RGS6: variants seen among roughly 807,000 people sequenced by gnomAD.
RGS6 encodes regulator of G-protein signaling 6.
Under a neutral mutation model 78.5 loss-of-function variants are expected in RGS6, and 30 were observed. That is an observed-to-expected ratio of 0.38 (90% CI 0.29 to 0.52). The LOEUF (loss-of-function observed/expected upper bound fraction) is 0.52, where lower values mean the gene tolerates loss of function less well. Among genes scored for constraint, RGS6 ranks in the 20% least tolerant of loss-of-function variants. The pLI, the probability that RGS6 is intolerant of heterozygous loss-of-function variation, is 0.85. For synonymous variants in RGS6, 206 were observed against 206.0 expected, an observed-to-expected ratio of 1.00 and a Z score of 0.00; for missense variants, 495 against 609.7, an observed-to-expected ratio of 0.81 and a Z score of 1.98.
chr14:72,534,039 T>G (rs2097214294), intron 15 of RGS6, among the ~76,000 whole-genome samples: 1 of 152,248 alleles, frequency 6.6e-6, no homozygotes, highest in Non-Finnish European at 1.5e-5. Flanking sequence ...CACCATCACA[T>G]GCTACAGAGA....
At chr14:71,949,295 A>G (rs886727237) in intron 1 of RGS6, among the ~76,000 whole-genome samples, 1 of 152,000 alleles carries the variant, frequency 6.6e-6, no homozygotes, top group African/African-American at 2.4e-5. Flanking sequence ...TCAGTTCATG[A>G]GTGTTTCAGT....
At chr14:72,139,563 G>T (rs1023561841) in intron 2 of RGS6, among the ~76,000 whole-genome samples, 1 of 151,520 alleles carries the variant, frequency 6.6e-6, no homozygotes, top group Non-Finnish European at 1.5e-5. Flanking sequence ...TAAGCAGAAA[G>T]CAAAGAAGAA....
At chr14:72,536,066 A>G (rs1471438875) in intron 15 of RGS6, 120 bp from the exon 16 acceptor site, 8 of 749,626 alleles carry the variant, frequency 1.1e-5, no homozygotes, top group Non-Finnish European at 1.9e-5. Context: ...TTCTAGGTAC[A>G]TGCAAACATA....
intron 2 of RGS6, among the ~76,000 whole-genome samples, chr14:72,111,584 A>C (rs2095763544): frequency 6.6e-6 from 1 of 152,232 alleles, no homozygotes; most frequent in Non-Finnish European, 1.5e-5. Flanking sequence ...ACATGTTAAA[A>C]GGCCTAGTAA....
intron 17 of RGS6, among the ~76,000 whole-genome samples, chr14:72,544,821 A>G (rs1021781676): frequency 1.3e-5 from 2 of 152,170 alleles, no homozygotes; most frequent in Non-Finnish European, 2.9e-5. Context: ...AGAAGTCAAC[A>G]GCTCACTCAT....
At chr14:72,509,505 C>T (rs928681938) in intron 13 of RGS6, among the ~76,000 whole-genome samples, 2 of 152,160 alleles carry the variant, frequency 1.3e-5, no homozygotes, top group Non-Finnish European at 1.5e-5. Context: ...AAATGGGAAT[C>T]ATACTAGTAC....
intron 3 of RGS6, among the ~76,000 whole-genome samples, chr14:72,383,151 ATATT>A (rs1356304184): frequency 6.9e-6 from 1 of 144,636 alleles, no homozygotes; most frequent in Non-Finnish European, 1.5e-5. Context: ...CATATATACT[ATATT>A]TACAGCCATG....
At chr14:72,275,936 ACTT>A (rs1196232480) in intron 2 of RGS6, among the ~76,000 whole-genome samples, 1 of 152,126 alleles carries the variant, frequency 6.6e-6, no homozygotes, top group Non-Finnish European at 1.5e-5. Context: ...CAAGGGGAAA[ACTT>A]CTCTCCAACG....
At chr14:71,882,322 G>A in the RGS6 span, among the ~76,000 whole-genome samples, 10 of 152,158 alleles carry the variant, frequency 6.6e-5, no homozygotes, top group African/African-American at 2.4e-4. Flanking sequence ...ATGTGTATAT[G>A]TGTATATCGC....
intron 3 of RGS6, among the ~76,000 whole-genome samples, chr14:72,415,175 T>C (rs908021271): frequency 2.6e-5 from 4 of 152,256 alleles, no homozygotes; most frequent in African/African-American, 9.6e-5. Context: ...CCTTGAGCTG[T>C]GGTGGGTTCC....
intron 15 of RGS6, among the ~76,000 whole-genome samples, chr14:72,520,650 A>G (rs1022368254): frequency 2.6e-5 from 4 of 152,238 alleles, no homozygotes; most frequent in Non-Finnish European, 4.4e-5. Context: ...AAGCAGGATA[A>G]ATATTTGATT....
chr14:72,153,367 A>T (rs2096722023), intron 2 of RGS6, among the ~76,000 whole-genome samples: 1 of 152,192 alleles, frequency 6.6e-6, no homozygotes, highest in African/African-American at 2.4e-5. Flanking sequence ...CACAAAGCAG[A>T]GTGTGAAGAG....
At chr14:72,329,532 C>T (rs1212466765) in intron 2 of RGS6, among the ~76,000 whole-genome samples, 2 of 152,270 alleles carry the variant, frequency 1.3e-5, no homozygotes, top group African/African-American at 4.8e-5. Context: ...TAGGCTTAAA[C>T]TGGCATTGTC....
intron 3 of RGS6, among the ~76,000 whole-genome samples, chr14:72,401,083 T>G (rs997936236): frequency 1.3e-5 from 2 of 151,946 alleles, no homozygotes; most frequent in Non-Finnish European, 2.9e-5. Flanking sequence ...AATTCTTCAT[T>G]TTTTTTTAGG....
chr14:72,159,195 G>T (rs2096818516), intron 2 of RGS6, among the ~76,000 whole-genome samples: 1 of 152,322 alleles, frequency 6.6e-6, no homozygotes, highest in South Asian at 2.1e-4. Context: ...TACAGATGAA[G>T]AGACTGAGGC....
At chr14:72,141,902 A>AC (rs2096544986) in intron 2 of RGS6, among the ~76,000 whole-genome samples, 1 of 151,744 alleles carries the variant, frequency 6.6e-6, no homozygotes, top group Non-Finnish European at 1.5e-5. Flanking sequence ...TAAAAAAAAA[A>AC]AAACAAAACC....
At position 72,476,773 on chromosome 14, in the gene RGS6, C is replaced by T. The variant is rs2096251308; in HGVS notation, c.725C>T (p.Ala242Val). ...SVYGVTEESQ[A>V]QSPVHVLSQP... The stretch of plus-strand genomic sequence containing the variant: ...TATGGCGTGACTGAAGAGTCCCAGG[C>T]ACAGAGCCCGGTGCATGTACTCAGC... Residue 242 changes from alanine (A) to valine (V), a missense_variant, in exon 11 of 18, where the codon GCA becomes GTA. Coordinates refer to ENST00000553525, the MANE Select transcript of RGS6 (RefSeq NM_001204424.2). 1 of 1,614,162 alleles carries T rather than the reference C, an allele frequency of 6.2e-7. No individual in the cohort carries two copies. Among genetic ancestry groups the T allele is most frequent in the Non-Finnish European group, 8.5e-7 (1 of 1,180,014 alleles).
intron 3 of RGS6, among the ~76,000 whole-genome samples, chr14:72,430,617 G>T (rs1219610296): frequency 6.6e-6 from 1 of 152,190 alleles, no homozygotes; most frequent in African/African-American, 2.4e-5. Flanking sequence ...TCTGAGTTAT[G>T]AAAGCCTTCT....
In RGS6 at chr14:72,562,766, G is replaced by A. The variant is rs1480975129; in HGVS notation, c.*299G>A. 6.5e-7 allele frequency: 1 copy of A among 1,531,498 alleles called. No individual in the cohort carries two copies. The highest frequency in any genetic ancestry group is 1.4e-5 in the African/African-American group (1 of 72,946). The allele number at this position is 1,531,498 out of a possible 1,614,324, so 94.9% of individuals were successfully genotyped here. On this transcript the variant is annotated 3_prime_UTR_variant, in exon 18 of 18. Transcript: ENST00000553525. The stretch of plus-strand genomic sequence containing the variant: ...GAGGCCCTGATCCCAGCTCATTCAG[G>A]GGAGAACACGTCGTGGGGTTCCTGT...
Sources: allele counts gnomAD v4.1 joint callset (sites outside exome capture counted in the v4.1 genomes callset), GRCh38; gene constraint gnomAD v4.1.1; transcripts MANE v1.5; gene names NCBI Gene and HGNC (gene_info 2026-07-23, HGNC 2026-07-21).